The following STAG3 variants were observed in gnomAD, a reference collection of about 807,000 sequenced individuals.
STAG3 encodes cohesin subunit SA-3.
STAG3 carries 101 observed loss-of-function variants against 160.7 expected under a neutral mutation model. The observed-to-expected ratio is 0.63, with a 90% CI of 0.54 to 0.74. The LOEUF (loss-of-function observed/expected upper bound fraction) is 0.74, where lower values mean the gene tolerates loss of function less well. STAG3 is among the 30% of genes least tolerant of loss of function. STAG3 has a pLI of 0.00. For synonymous variants in STAG3, 519 were observed against 585.0 expected (o/e 0.89, Z 1.63); for missense variants, 1,188 against 1,517.4 (o/e 0.78, Z 3.61).
rs749706572 is a variant in STAG3, at chr7:100,208,711, T to C, written c.3239-2300T>C. On this transcript the variant is annotated intron_variant, in intron 29 of 33. Coordinates refer to ENST00000615138, the MANE Select transcript of STAG3 (RefSeq NM_001282717.2). ...TTGTTTTTATTCATTCAATAGATAC[T>C]GAGCACCGTGTGCTGGGAATACAGC... Among the ~76,000 whole-genome samples the C allele has an allele frequency of 9.8e-5, 15 of 152,290 alleles. 1 individual carries two copies. The highest frequency in any genetic ancestry group is 3.9e-4 in the Admixed American group (6 of 15,296).
Position 100,201,976 on chromosome 7 carries a change from A to G in STAG3, c.2329A>G (p.Met777Val). ...GCAGCTGTCGAGTTTGAGGGACAGA[A>G]TGGTGGCCTTCTGTGAACTCTGCCA... Reference protein sequence around the residue: ...QKQLSSLRDRMVAFCELCQSC... With the variant: ...QKQLSSLRDRVVAFCELCQSC... The change falls in exon 23 of 34, where the codon ATG becomes GTG. Residue 777 changes from methionine to valine, a missense_variant. Coordinates refer to ENST00000615138, the MANE Select transcript of STAG3 (RefSeq NM_001282717.2). The G allele has an allele frequency of 6.2e-7, 1 of 1,614,200 alleles. No individual in the cohort carries two copies. The highest frequency in any genetic ancestry group is 8.5e-7 in the Non-Finnish European group (1 of 1,180,032).
Position 100,186,349 on chromosome 7 carries a change from G to A in STAG3, c.433+53G>A, listed in dbSNP as rs938909544. The stretch of plus-strand genomic sequence containing the variant: ...TCCCAGCCTTTTGTTCCTATGTTAT[G>A]AAATTCTTTCTCCATTTAGATAAGT... On this transcript the variant is annotated intron_variant, in intron 5 of 33. Coordinates refer to ENST00000615138, the MANE Select transcript of STAG3 (RefSeq NM_001282717.2). 10 of 1,471,342 alleles carry A rather than the reference G, an allele frequency of 6.8e-6. No individual in the cohort carries two copies. In the African/African-American group the frequency reaches 1.4e-4, roughly 20 times the overall value. 91.1% of individuals were successfully genotyped at this position (1,471,342 alleles called of 1,614,324 possible).
At chr7:100,185,885 C>G (rs186036615) in intron 4 of STAG3, among the ~76,000 whole-genome samples, 248 of 152,260 alleles carry the variant, frequency 1.6e-3, no homozygotes, top group Non-Finnish European at 1.0e-3. Context: ...TTGGACTACT[C>G]GTCTTGGAAA....
Position 100,205,376 on chromosome 7 carries a change from G to A in STAG3, c.3230G>A (p.Arg1077His), listed in dbSNP as rs768824588. The A allele has an allele frequency of 5.6e-6, 9 of 1,612,906 alleles. No individual in the cohort carries two copies. The highest frequency in any genetic ancestry group is 1.7e-4 in the Middle Eastern group (1 of 6,046). Residue 1077 changes from arginine to histidine, a missense_variant, in exon 29 of 34, where the codon CGC (arginine) becomes CAC (histidine). This residue lies in a region of STAG3 where 647 missense variants were observed against 717.2 expected (regional missense o/e 0.90). Coordinates refer to ENST00000615138, the MANE Select transcript of STAG3 (RefSeq NM_001282717.2). ...PQVLPSSKRRRVEGPAKPNRE... is the reference protein window; with the variant it reads ...PQVLPSSKRRHVEGPAKPNRE... ...GTCCTCCCCAGCTCCAAGAGGAGGC[G>A]CGTTGAAGGTAGGGTGCTGTGTGTG...
chr7:100,213,228 C>T, intron 32 of STAG3: 1 of 896,056 alleles, frequency 1.1e-6, no homozygotes, highest in Non-Finnish European at 1.4e-6. Context: ...AATCACCTCC[C>T]AAAGGCCCCA....
rs1293192100 is a variant in STAG3 at position 100,202,329 on chromosome 7, A to G, written c.2552A>G (p.Asp851Gly). Reference protein sequence around the residue: ...LMDHVFIQPGDLGSGDSQEDH... With the variant: ...LMDHVFIQPGGLGSGDSQEDH... ...GACCACGTCTTCATCCAGCCGGGAG[A>G]CCTGGGCAGTGGTGCAGTGACTCTA... Residue 851 changes from aspartate (D) to glycine (G), a missense_variant, in exon 24 of 34, where the codon GAC (aspartate) becomes GGC (glycine). This residue lies in a region of STAG3 where 647 missense variants were observed against 717.2 expected (regional missense o/e 0.90). Transcript: ENST00000615138. The G allele has an allele frequency of 2.5e-6, 4 of 1,613,962 alleles. No individual in the cohort carries two copies. Among genetic ancestry groups the G allele is most frequent in the East Asian group, 2.2e-5 (1 of 44,880 alleles).
chr7:100,187,913 T>A (rs748703753), intron 5 of STAG3, among the ~76,000 whole-genome samples: 2 of 152,056 alleles, frequency 1.3e-5, no homozygotes, highest in Non-Finnish European at 2.9e-5. Flanking sequence ...CCCGCCACTA[T>A]GCCCAGCTCA....
intron 14 of STAG3, 134 bp from the exon 15 acceptor site, chr7:100,199,128 G>GAAA: frequency 1.0e-5 from 7 of 700,634 alleles, no homozygotes; most frequent in South Asian, 1.8e-5. Flanking sequence ...TGTCTCTATC[G>GAAA]AAAAAAAAAA....
chr7:100,218,807 G>A (rs1164158572), downstream of STAG3: 8 of 239,542 alleles, frequency 3.3e-5, no homozygotes, highest in Admixed American at 5.5e-5. Flanking sequence ...GCCTTCCCTC[G>A]GGATAGGATG....
In STAG3 at chr7:100,213,648, G is replaced by A. The variant is rs1802487250; in HGVS notation, c.3601-87G>A. ...CTGCTGTGCCCATATTTGTTCTTAT[G>A]AGGCTGGGAAAGGAACTGGTTTTTT... On this transcript the variant is annotated intron_variant, in intron 32 of 33. Coordinates refer to ENST00000615138, the MANE Select transcript of STAG3 (RefSeq NM_001282717.2). The A allele has an allele frequency of 8.7e-6, 14 of 1,601,522 alleles. No homozygotes were observed. The South Asian group carries it at 1.6e-4, about 18-fold the overall frequency.
chr7:100,204,123 G>A lies in STAG3; in HGVS notation c.2802+1G>A, dbSNP rs374794876. Reference sequence around the variant, plus strand: ...AATCCTGCTGCTGAGCCTCAAGCAGGTGCGCCCTTCTGCCTTGAGGACATG... The same window carrying A: ...AATCCTGCTGCTGAGCCTCAAGCAGATGCGCCCTTCTGCCTTGAGGACATG... On this transcript the variant is annotated splice_donor_variant, in intron 26 of 33. Coordinates refer to ENST00000615138, the MANE Select transcript of STAG3 (RefSeq NM_001282717.2). LOFTEE classifies it high-confidence loss of function. 4.3e-6 allele frequency: 7 copies of A among 1,613,472 alleles called. No homozygotes were observed. The highest frequency in any genetic ancestry group is 5.9e-6 in the Non-Finnish European group (7 of 1,179,754).
chr7:100,185,823 T>G (rs1391073222), intron 4 of STAG3, among the ~76,000 whole-genome samples: 1 of 152,154 alleles, frequency 6.6e-6, no homozygotes, highest in Non-Finnish European at 1.5e-5. Context: ...CAATCTGACT[T>G]CCTTGAGGAT....
rs749731805 is a variant in STAG3 at position 100,211,011 on chromosome 7, G to T, written c.3239G>T (p.Gly1080Val). 1 of 1,612,522 alleles carries T rather than the reference G, an allele frequency of 6.2e-7. No individual in the cohort carries two copies. The change falls in exon 30 of 34, where the codon GGG (glycine) becomes GTG (valine). Residue 1080 changes from glycine to valine, a missense_variant and splice_region_variant. Gly to Val is a moderately radical substitution (Grantham distance 109, BLOSUM62 -3). Coordinates refer to ENST00000615138, the MANE Select transcript of STAG3 (RefSeq NM_001282717.2). ...GTTAATGTATGCATCTGCTTGGCAG[G>T]GCCTGCCAAGCCTAACAGAGAGGAC... ...LPSSKRRRVE[G>V]PAKPNREDVS...
chr7:100,188,816 C>T lies in STAG3; in HGVS notation c.515C>T (p.Ser172Leu), dbSNP rs774733921. Residue 172 changes from serine to leucine, a missense_variant, in exon 7 of 34, where the codon TCG becomes TTG. By Grantham distance (145) the Ser-to-Leu change is moderately radical. Transcript: ENST00000615138. ...QHLTEQFNEDSGDYPLIAPGP... is the reference protein window; with the variant it reads ...QHLTEQFNEDLGDYPLIAPGP... ...TTTTCATACATCCTTTTGTAGGACT[C>T]GGGGGACTACCCTCTCATAGCTCCA... The T allele has an allele frequency of 5.6e-6, 9 of 1,614,058 alleles. No individual in the cohort carries two copies. The highest frequency in any genetic ancestry group is 3.3e-5 in the Admixed American group (2 of 60,008).
intron 30 of STAG3, 73 bp from the exon 31 acceptor site, chr7:100,211,362 T>A: frequency 6.4e-7 from 1 of 1,552,448 alleles, no homozygotes; most frequent in Non-Finnish European, 8.8e-7. Context: ...TTTCTCCCCA[T>A]TAACACCAGC....
intron 33 of STAG3, 50 bp from the exon 34 acceptor site, chr7:100,213,957 A>G (rs1021125596): frequency 1.2e-6 from 2 of 1,614,104 alleles, no homozygotes; most frequent in East Asian, 2.2e-5. Context: ...TGGTCTGCCC[A>G]TTGGCCCGTT....
chr7:100,183,444 C>T (rs1421294884), intron 4 of STAG3, among the ~76,000 whole-genome samples: 1 of 152,142 alleles, frequency 6.6e-6, no homozygotes, highest in African/African-American at 2.4e-5. Context: ...CCTTGTTCAC[C>T]CATGTTATTT....
At chr7:100,215,501 AG>A (rs1802685191), downstream of STAG3, among the ~76,000 whole-genome samples, 1 of 152,186 alleles carries the variant, frequency 6.6e-6, no homozygotes, top group Non-Finnish European at 1.5e-5. Flanking sequence ...TTCTGGGGAA[AG>A]GAGCCTGTTT....
rs749116995 is a variant in STAG3 at position 100,197,201 on chromosome 7, G to A, written c.987G>A (p.Gly329=). 9.4e-6 allele frequency: 15 copies of A among 1,600,244 alleles called. No homozygotes were observed. The highest frequency in any genetic ancestry group is 1.7e-5 in the Admixed American group (1 of 59,970). ...GTGCTATCTGCATTGAGGAAATTGG[G>A]TGTTGGATGCAAAGCTACAGCACGT... ...EIRAICIEEI[G]CWMQSYSTSF... is the part of the protein sequence containing the mutation. The change falls in exon 10 of 34, where the codon GGG becomes GGA. Residue 329 remains glycine (G), a synonymous_variant. Transcript: ENST00000615138.
Sources: gnomAD v4.1 joint callset for allele counts (sites outside exome capture counted in the v4.1 genomes callset) on GRCh38, gnomAD v4.1.1 for gene constraint, gnomAD v4.1.1 regional missense constraint, MANE v1.5 for transcripts, NCBI Gene and HGNC (gene_info 2026-07-23, HGNC 2026-07-21) for gene names.